Variants in YWHAQ observed in about 807,000 individuals in gnomAD.
YWHAQ encodes the protein tyrosine 3-monooxygenase/tryptophan 5-monooxygenase activation protein theta, also known as 14-3-3 protein theta.
In YWHAQ, 6 loss-of-function variants were observed where a neutral mutation model predicts 28.3. The observed-to-expected ratio is 0.21, with a 90% CI of 0.12 to 0.42. The LOEUF is 0.42. Among genes scored for constraint, YWHAQ ranks in the 10% least tolerant of loss-of-function variants. The pLI is 1.00. For missense variants in YWHAQ, 201 were observed against 305.6 expected, an observed-to-expected ratio of 0.66 and a Z score of 2.55; for synonymous variants, 143 against 119.1, an observed-to-expected ratio of 1.20 and a Z score of -1.31.
intron 2 of YWHAQ, among the ~76,000 whole-genome samples, chr2:9,607,460 G>T (rs1666854926): frequency 6.6e-6 from 1 of 151,474 alleles, no homozygotes; most frequent in African/African-American, 2.4e-5. Flanking sequence ...ACCCCCCTCG[G>T]CTTCCCAAAG....
At chr2:9,590,339 G>C (rs1465374032) in intron 3 of YWHAQ, among the ~76,000 whole-genome samples, 1 of 152,142 alleles carries the variant, frequency 6.6e-6, no homozygotes, top group Non-Finnish European at 1.5e-5. Flanking sequence ...TTAGTATATA[G>C]ATTTTGTTAT....
intron 2 of YWHAQ, among the ~76,000 whole-genome samples, chr2:9,605,134 T>TTC (rs1204890661): frequency 1.3e-4 from 15 of 116,124 alleles, no homozygotes; most frequent in African/African-American, 4.3e-4. Flanking sequence ...CCCCATTCTG[T>TTC]TCTCTCTTTT....
intron 2 of YWHAQ, among the ~76,000 whole-genome samples, chr2:9,619,503 G>A (rs770935431): frequency 1.3e-5 from 2 of 151,904 alleles, no homozygotes; most frequent in Non-Finnish European, 2.9e-5. Context: ...AACTGAGATC[G>A]TGCCACTACA....
chr2:9,593,976 AACACACAC>A (rs371022884), intron 2 of YWHAQ, among the ~76,000 whole-genome samples: 52 of 145,852 alleles, frequency 3.6e-4, no homozygotes, highest in African/African-American at 1.1e-3. Context: ...AGGAAGTTAA[AACACACAC>A]ACACACACAC....
Position 9,595,610 on chromosome 2 carries a change from A to G in YWHAQ, c.295-4095T>C, listed in dbSNP as rs549492887. 4.6e-5 allele frequency among the ~76,000 whole-genome samples: 7 copies of G among 151,526 alleles called. No homozygotes were observed. In the South Asian group the frequency reaches 1.3e-3, roughly 27 times the overall value. On this transcript the variant is annotated intron_variant, in intron 2 of 5. Transcript: ENST00000238081. ...TCCCAGCTATTTGGGAGGCTGACAC[A>G]GGAGAACTGCTTGAACCCAGGAGGC...
At chr2:9,587,597 G>A in intron 4 of YWHAQ, 88 bp from the exon 5 acceptor site, 1 of 1,135,530 alleles carries the variant, frequency 8.8e-7, no homozygotes, top group South Asian at 1.6e-5. Flanking sequence ...CAAAATAAGT[G>A]AACACCCACC....
intron 2 of YWHAQ, among the ~76,000 whole-genome samples, chr2:9,610,788 A>T (rs1666931426): frequency 6.6e-6 from 1 of 152,146 alleles, no homozygotes; most frequent in Non-Finnish European, 1.5e-5. Flanking sequence ...GGTTACAGGC[A>T]TGAGCCACCG....
chr2:9,615,062 C>T (rs1379357297), intron 2 of YWHAQ, among the ~76,000 whole-genome samples: 1 of 152,030 alleles, frequency 6.6e-6, no homozygotes, highest in Non-Finnish European at 1.5e-5. Flanking sequence ...AAGATGAAGT[C>T]CTTATTCTTA....
At chr2:9,620,757 T>C (rs1412358667) in intron 2 of YWHAQ, 1 of 152,208 alleles carries the variant, frequency 6.6e-6, no homozygotes, top group Non-Finnish European at 1.5e-5. Flanking sequence ...TTCAAACCTA[T>C]ATTCCTAGGG....
intron 2 of YWHAQ, among the ~76,000 whole-genome samples, chr2:9,602,862 AATATATATATATATATATATAT>A (rs71413909): frequency 0.012 from 246 of 20,858 alleles, 4 homozygotes; most frequent in East Asian, 0.033. Context: ...AAAAAAAAAA[AATATATATATATATATATATAT>A]ATATATATAT....
chr2:9,607,668 A>G (rs1186371903), intron 2 of YWHAQ, among the ~76,000 whole-genome samples: 2 of 151,674 alleles, frequency 1.3e-5, no homozygotes, highest in Non-Finnish European at 2.9e-5. Context: ...CTACCTGACC[A>G]TATGAAATGG....
At chr2:9,603,754 C>G (rs1666762064) in intron 2 of YWHAQ, among the ~76,000 whole-genome samples, 1 of 151,732 alleles carries the variant, frequency 6.6e-6, no homozygotes, top group Non-Finnish European at 1.5e-5. Context: ...TGAAACTCCC[C>G]TCTATTAAAA....
intron 2 of YWHAQ, 93 bp from the exon 3 acceptor site, chr2:9,591,608 A>G: frequency 1.2e-5 from 17 of 1,451,386 alleles, no homozygotes; most frequent in Non-Finnish European, 1.6e-5. Context: ...GGGCATTTCA[A>G]TCATTTACTA....
intron 2 of YWHAQ, among the ~76,000 whole-genome samples, chr2:9,596,005 G>GA (rs1345963737): frequency 6.6e-6 from 1 of 152,080 alleles, no homozygotes; most frequent in African/African-American, 2.4e-5. Flanking sequence ...CTAGACCAAA[G>GA]AAACAAGGAA....
intron 2 of YWHAQ, among the ~76,000 whole-genome samples, chr2:9,605,220 C>T (rs1414718270): frequency 6.6e-6 from 1 of 150,972 alleles, no homozygotes; most frequent in Admixed American, 6.6e-5. Context: ...CTCACTGCAG[C>T]AGCAACTTCT....
intron 2 of YWHAQ, among the ~76,000 whole-genome samples, chr2:9,596,671 T>G (rs1666576771): frequency 6.6e-6 from 1 of 151,352 alleles, no homozygotes; most frequent in African/African-American, 2.4e-5. Flanking sequence ...GGAGCATTTC[T>G]AAGAAAGATA....
At chr2:9,609,891 G>A (rs1666910767) in intron 2 of YWHAQ, among the ~76,000 whole-genome samples, 1 of 152,166 alleles carries the variant, frequency 6.6e-6, no homozygotes, top group South Asian at 2.1e-4. Context: ...GAGTGGGAAG[G>A]AAGAAGTAAT....
intron 2 of YWHAQ, among the ~76,000 whole-genome samples, chr2:9,594,178 A>G (rs1666521968): frequency 6.6e-6 from 1 of 152,294 alleles, no homozygotes; most frequent in South Asian, 2.1e-4. Context: ...GTGCTGCTCC[A>G]GTATCACTAC....
intron 2 of YWHAQ, among the ~76,000 whole-genome samples, chr2:9,611,720 G>GA (rs1666951340): frequency 1.3e-5 from 2 of 152,042 alleles, no homozygotes; most frequent in Admixed American, 1.3e-4. Context: ...CCAGAGGCTG[G>GA]AATGCAGTGG....
Sources: allele counts gnomAD v4.1 joint callset (sites outside exome capture counted in the v4.1 genomes callset), GRCh38; gene constraint gnomAD v4.1.1; transcripts MANE v1.5; gene names NCBI Gene and HGNC (gene_info 2026-07-23, HGNC 2026-07-21).